The following SV2C variants were observed in gnomAD, a reference collection of about 807,000 sequenced individuals.
The protein encoded by SV2C is synaptic vesicle glycoprotein 2C.
In SV2C, 49 loss-of-function variants were observed where a neutral mutation model predicts 79.7. The ratio of observed to expected loss-of-function variants is 0.61; its 90% CI spans 0.49 to 0.78. The LOEUF (loss-of-function observed/expected upper bound fraction) is 0.78, where lower values mean the gene tolerates loss of function less well. Ranked by LOEUF, SV2C falls within the 30% of genes least tolerant of loss-of-function variation. The pLI is 0.00. For missense variants in SV2C, 833 were observed against 912.9 expected, an observed-to-expected ratio of 0.91 and a Z score of 1.13; for synonymous variants, 334 against 333.2, an observed-to-expected ratio of 1.00 and a Z score of -0.03.
At chr5:76,100,769 G>A (rs1409925659) in intron 1 of SV2C, among the ~76,000 whole-genome samples, 1 of 152,164 alleles carries the variant, frequency 6.6e-6, no homozygotes, top group African/African-American at 2.4e-5. Context: ...GTGTTTGCTC[G>A]AGGTAGGGTT....
intron 9 of SV2C, among the ~76,000 whole-genome samples, chr5:76,298,148 T>C (rs1747840798): frequency 6.6e-6 from 1 of 151,916 alleles, no homozygotes; most frequent in Non-Finnish European, 1.5e-5. Context: ...ATAAGCAGAG[T>C]TCTCATAATT....
rs1168168980 is a variant in SV2C, at chr5:76,300,771, G to A, written c.1679G>A (p.Cys560Tyr). ...TTCATTGACAGTGAATTTAAAAACTGCTCGTTTTTTCACAACAAGACGGGA... is the reference window on the plus strand; with the variant it reads ...TTCATTGACAGTGAATTTAAAAACTACTCGTTTTTTCACAACAAGACGGGA... ...YKFIDSEFKN[C>Y]SFFHNKTGCQ... The change falls in exon 11 of 13, where the codon TGC becomes TAC. Residue 560 changes from cysteine (C) to tyrosine (Y), a missense_variant. Transcript: ENST00000502798. 6.2e-7 allele frequency: 1 copy of A among 1,613,970 alleles called. No homozygotes were observed. Among genetic ancestry groups the A allele is most frequent in the Non-Finnish European group, 8.5e-7 (1 of 1,179,968 alleles).
At chr5:75,958,404 G>C in the SV2C span, among the ~76,000 whole-genome samples, 1 of 152,032 alleles carries the variant, frequency 6.6e-6, no homozygotes, top group South Asian at 2.1e-4. Flanking sequence ...AAATGTGGGG[G>C]AACCTATCTG....
At chr5:76,306,780 C>CACTT (rs1748208367) in intron 12 of SV2C, among the ~76,000 whole-genome samples, 1 of 152,144 alleles carries the variant, frequency 6.6e-6, no homozygotes, top group Non-Finnish European at 1.5e-5. Context: ...TGTCAACAAA[C>CACTT]ACTTAGCATA....
the SV2C span, among the ~76,000 whole-genome samples, chr5:75,991,262 T>C: frequency 6.6e-5 from 10 of 151,932 alleles, no homozygotes; most frequent in Non-Finnish European, 1.5e-4. Context: ...ATTTTACTTT[T>C]TGTTTATTAT....
chr5:76,290,984 T>A (rs1488674958), intron 6 of SV2C, among the ~76,000 whole-genome samples: 1 of 152,228 alleles, frequency 6.6e-6, no homozygotes, highest in Admixed American at 6.5e-5. Flanking sequence ...TATTACTACT[T>A]GCCCTTCCCC....
chr5:75,898,811 T>C, the SV2C span, among the ~76,000 whole-genome samples: 2,124 of 152,182 alleles, frequency 0.014, 38 homozygotes, highest in African/African-American at 0.047. Context: ...GTGTATGTGT[T>C]GAGAAATTTA....
At chr5:76,054,271 G>T in the SV2C span, among the ~76,000 whole-genome samples, 1 of 152,128 alleles carries the variant, frequency 6.6e-6, no homozygotes, top group African/African-American at 2.4e-5. Context: ...GTGTTAGTTT[G>T]CTGAGGGTGA....
chr5:76,305,839 C>T lies in SV2C; in HGVS notation c.2000+4294C>T, dbSNP rs138972151. Among the ~76,000 whole-genome samples the T allele has an allele frequency of 1.2e-3, 188 of 152,262 alleles. 1 individual carries two copies. Among genetic ancestry groups the T allele is most frequent in the African/African-American group, 4.4e-3 (184 of 41,562 alleles). On this transcript the variant is annotated intron_variant, in intron 12 of 12. Transcript: ENST00000502798. Reference sequence around the variant, plus strand: ...GCATGGTGACATTCTAGCTTTTTCCCCAGATTAGAGAGCACTTACACACTG... The same window carrying T: ...GCATGGTGACATTCTAGCTTTTTCCTCAGATTAGAGAGCACTTACACACTG...
chr5:75,984,576 T>A, the SV2C span, among the ~76,000 whole-genome samples: 1 of 75,828 alleles, frequency 1.3e-5, no homozygotes, highest in Non-Finnish European at 4.3e-5. Context: ...TATATCTATC[T>A]ATCTATCTAT....
chr5:76,234,082 A>T (rs890903610), intron 4 of SV2C, among the ~76,000 whole-genome samples: 1 of 152,216 alleles, frequency 6.6e-6, no homozygotes, highest in African/African-American at 2.4e-5. Flanking sequence ...TTATTTGCTT[A>T]ATATGTCATG....
At chr5:76,138,530 T>C (rs931118027) in intron 2 of SV2C, among the ~76,000 whole-genome samples, 6 of 152,146 alleles carry the variant, frequency 3.9e-5, no homozygotes, top group African/African-American at 1.2e-4. Flanking sequence ...TAATGGCAAA[T>C]ATATGGTCAC....
chr5:76,145,672 A>G (rs191010901), intron 2 of SV2C, among the ~76,000 whole-genome samples: 1 of 152,182 alleles, frequency 6.6e-6, no homozygotes, highest in African/African-American at 2.4e-5. Context: ...GGAGAGTCCC[A>G]GTTTTAAGCT....
At position 76,174,657 on chromosome 5, in the gene SV2C, C is replaced by T. The variant is rs544770697; in HGVS notation, c.581-20262C>T. 1.7e-4 allele frequency among the ~76,000 whole-genome samples: 26 copies of T among 152,346 alleles called. No homozygotes were observed. In the South Asian group the frequency reaches 5.2e-3, roughly 30 times the overall value. On this transcript the variant is annotated intron_variant, in intron 2 of 12. Coordinates refer to ENST00000502798, the MANE Select transcript of SV2C (RefSeq NM_014979.4). ...CCTGTGGTCTCTATCACATTTTCTTCTTTACTGTAGCCATTTTAAAAAATG... is the reference window on the plus strand; with the variant it reads ...CCTGTGGTCTCTATCACATTTTCTTTTTTACTGTAGCCATTTTAAAAAATG...
intron 4 of SV2C, among the ~76,000 whole-genome samples, chr5:76,275,659 G>C (rs928031903): frequency 6.6e-6 from 1 of 152,204 alleles, no homozygotes; most frequent in Non-Finnish European, 1.5e-5. Context: ...CAGACAGTCA[G>C]GCAACTGGGG....
chr5:75,941,489 T>C, the SV2C span, among the ~76,000 whole-genome samples: 2 of 152,202 alleles, frequency 1.3e-5, no homozygotes, highest in Non-Finnish European at 2.9e-5. Flanking sequence ...AAATCCCCCT[T>C]ATCAAAATTA....
At chr5:76,036,605 G>A in the SV2C span, among the ~76,000 whole-genome samples, 27 of 152,264 alleles carry the variant, frequency 1.8e-4, no homozygotes, top group Admixed American at 7.2e-4. Context: ...AATTTCTGCC[G>A]AGAGATCTGC....
At chr5:76,025,381 A>C in the SV2C span, among the ~76,000 whole-genome samples, 1 of 152,072 alleles carries the variant, frequency 6.6e-6, no homozygotes, top group Admixed American at 6.6e-5. Context: ...GGAGACTAAT[A>C]TGTTCAGATG....
In SV2C at chr5:76,126,614, T is replaced by C. The variant is rs947803803; in HGVS notation, c.-101-5036T>C. On this transcript the variant is annotated intron_variant, in intron 1 of 12. Transcript: ENST00000502798. Reference sequence around the variant, plus strand: ...GGTAGTTCACCATTTGTCTTCTGTGTTGAATGTCTCTTCTAGATCCAAGCT... The same window carrying C: ...GGTAGTTCACCATTTGTCTTCTGTGCTGAATGTCTCTTCTAGATCCAAGCT... 2.6e-5 allele frequency among the ~76,000 whole-genome samples: 4 copies of C among 152,302 alleles called. No homozygotes were observed. In the East Asian group the frequency reaches 5.8e-4, roughly 22 times the overall value.
Sources: allele counts gnomAD v4.1 joint callset (sites outside exome capture counted in the v4.1 genomes callset), GRCh38; gene constraint gnomAD v4.1.1; transcripts MANE v1.5; gene names NCBI Gene and HGNC (gene_info 2026-07-23, HGNC 2026-07-21).